Variants in TTC38 observed in about 807,000 individuals in gnomAD.
TTC38 encodes the protein tetratricopeptide repeat domain 38.
Under a neutral mutation model 64.2 loss-of-function variants are expected in TTC38, and 64 were observed. The observed-to-expected ratio is 1.00, with a 90% CI of 0.81 to 1.23. The LOEUF is 1.23. Ranked by LOEUF, TTC38 falls within the 50% of genes most tolerant of loss-of-function variation. The pLI, the probability that TTC38 is intolerant of heterozygous loss-of-function variation, is 0.00. For missense variants in TTC38, 573 were observed against 615.5 expected (o/e 0.93, Z 0.73); for synonymous variants, 254 against 249.3 (o/e 1.02, Z -0.18).
intron 6 of TTC38, among the ~76,000 whole-genome samples, chr22:46,278,927 G>A (rs1404157360): frequency 1.3e-5 from 2 of 152,224 alleles, no homozygotes; most frequent in Non-Finnish European, 2.9e-5. Flanking sequence ...GATGGGGTAC[G>A]GGGAGCCTGT....
At position 46,292,250 on chromosome 22, in the gene TTC38, C is replaced by G. The variant is rs1170007402; in HGVS notation, c.1317-541C>G. ...CCAGGTTGGAATGCAGTGGTGTGAT[C>G]ACAGTTCACTGTAAACTCAAACTCC... On this transcript the variant is annotated intron_variant, in intron 13 of 13. Coordinates refer to ENST00000381031, the MANE Select transcript of TTC38 (RefSeq NM_017931.4). The surrounding 1 kb of genome is among the most constrained non-coding windows in gnomAD (Gnocchi z 6.5). 6.7e-6 allele frequency: 3 copies of G among 445,234 alleles called. No individual in the cohort carries two copies. The highest frequency in any genetic ancestry group is 6.1e-5 in the African/African-American group (3 of 49,504). 27.6% of individuals were successfully genotyped at this position (445,234 alleles called of 1,614,324 possible). A position where few individuals can be genotyped will look rare whatever the true frequency, so the allele number is the denominator to read the frequency against.
chr22:46,287,003 C>T (rs992794948), intron 9 of TTC38, 70 bp from the exon 10 acceptor site: 26 of 1,296,808 alleles, frequency 2.0e-5, no homozygotes, highest in Middle Eastern at 2.0e-4. Context: ...GACAGGCTGA[C>T]CCTGGCTGTG....
chr22:46,268,764 A>G (rs1177528703), intron 2 of TTC38, 173 bp downstream of exon 2: 1 of 608,146 alleles, frequency 1.6e-6, no homozygotes, highest in Non-Finnish European at 2.8e-6. Context: ...GGCTCACTGC[A>G]AGCTTTGCCT....
Position 46,275,343 on chromosome 22 carries a change from A to T in TTC38, c.461A>T (p.Tyr154Phe). Residue 154 changes from tyrosine to phenylalanine, a missense_variant, in exon 5 of 14, where the codon TAC (tyrosine) becomes TTC (phenylalanine). By Grantham distance (22) the Tyr-to-Phe change is conservative. Coordinates refer to ENST00000381031, the MANE Select transcript of TTC38 (RefSeq NM_017931.4). The surrounding 1 kb of genome is among the most constrained non-coding windows in gnomAD (Gnocchi z 4.5). ...AAATTTTCCCATGATGCTTATTTTT[A>T]CCTGGGCTATCAGGAACAGATGAGA... ...ALKFSHDAYF[Y>F]LGYQEQMRDS... 6.2e-7 allele frequency: 1 copy of T among 1,614,118 alleles called. No homozygotes were observed. Among genetic ancestry groups the T allele is most frequent in the Non-Finnish European group, 8.5e-7 (1 of 1,179,996 alleles).
Position 46,291,445 on chromosome 22 carries a change from C to T in TTC38, c.1317-1346C>T, listed in dbSNP as rs2077614754. On this transcript the variant is annotated intron_variant, in intron 13 of 13. Coordinates refer to ENST00000381031, the MANE Select transcript of TTC38 (RefSeq NM_017931.4). The surrounding 1 kb of genome is among the most constrained non-coding windows in gnomAD (Gnocchi z 4.6). The stretch of plus-strand genomic sequence containing the variant: ...ACTGCATTAGGAGACGTGGAGGGGG[C>T]CTTCTCTCCAAGTCCTGTCCTGCTA... Among the ~76,000 whole-genome samples the T allele has an allele frequency of 1.3e-5, 2 of 152,074 alleles. No homozygotes were observed. The highest frequency in any genetic ancestry group is 4.8e-5 in the African/African-American group (2 of 41,408).
chr22:46,287,303 G>A (rs1039822999), intron 10 of TTC38, 149 bp downstream of exon 10: 24 of 630,216 alleles, frequency 3.8e-5, no homozygotes, highest in Non-Finnish European at 5.6e-5. Context: ...CTTGGGTACC[G>A]TTCTGCAGCT....
chr22:46,268,981 C>T (rs1044714222), intron 2 of TTC38: 2 of 345,096 alleles, frequency 5.8e-6, no homozygotes, highest in Admixed American at 8.8e-5. Flanking sequence ...GCCACCGCGC[C>T]CGGCCATGGG....
rs2077486615 is a variant in TTC38 at position 46,276,292 on chromosome 22, C to A, written c.539+871C>A. Among the ~76,000 whole-genome samples the A allele has an allele frequency of 6.6e-6, 1 of 152,068 alleles. No individual in the cohort carries two copies. Among genetic ancestry groups the A allele is most frequent in the Non-Finnish European group, 1.5e-5 (1 of 68,024 alleles). The stretch of plus-strand genomic sequence containing the variant: ...TGGAGGCAGTCTGCAGGCAGAATTT[C>A]TTCTTCTAGGGGCCTCCGTCTTTCT... On this transcript the variant is annotated intron_variant, in intron 5 of 13. Coordinates refer to ENST00000381031, the MANE Select transcript of TTC38 (RefSeq NM_017931.4). The surrounding 1 kb of genome is among the most constrained non-coding windows in gnomAD (Gnocchi z 4.7).
rs769737659 is a variant in TTC38 at position 46,268,526 on chromosome 22, G to T, written c.46G>T (p.Ala16Ser). The T allele has an allele frequency of 6.2e-7, 1 of 1,614,102 alleles. No homozygotes were observed. The highest frequency in any genetic ancestry group is 8.5e-7 in the Non-Finnish European group (1 of 1,180,034). The change falls in exon 2 of 14, where the codon GCG becomes TCG. Residue 16 changes from alanine to serine, a missense_variant. By Grantham distance (99) the Ala-to-Ser change is moderately conservative (BLOSUM62 1). Transcript: ENST00000381031. ...PLRDCQAWKD[A>S]RLPLSTTSNE... ...TTGCCGTCTGTAGGCCTGGAAGGAT[G>T]CGAGGCTCCCGCTCTCCACCACAAG... is the stretch of plus-strand genomic sequence containing the variant.
rs1715056446 is a variant in TTC38 at position 46,281,509 on chromosome 22, C to T, written c.616-90C>T. The T allele has an allele frequency of 7.2e-6, 11 of 1,521,742 alleles. No homozygotes were observed. The highest frequency in any genetic ancestry group is 9.9e-6 in the Non-Finnish European group (11 of 1,112,374). 94.3% of individuals were successfully genotyped at this position (1,521,742 alleles called of 1,614,324 possible). The stretch of plus-strand genomic sequence containing the variant: ...TGCTCCACCCCGTTCAGCCCAGGCC[C>T]CTCTTGCCCCTTAGAGACCTGCCGT... On this transcript the variant is annotated intron_variant, in intron 6 of 13. Transcript: ENST00000381031. The surrounding 1 kb of genome is among the most constrained non-coding windows in gnomAD (Gnocchi z 5.2).
intron 5 of TTC38, among the ~76,000 whole-genome samples, chr22:46,277,598 C>G (rs1304591831): frequency 9.4e-6 from 1 of 105,854 alleles, no homozygotes; most frequent in Non-Finnish European, 1.8e-5. Context: ...GAGCGAGACT[C>G]TGTCTCCAAA....
rs951932869 is a variant in TTC38, at chr22:46,271,446, C to T, written c.112-889C>T. Among the ~76,000 whole-genome samples, 8 of 152,150 alleles carry T rather than the reference C, an allele frequency of 5.3e-5. No individual in the cohort carries two copies. The highest frequency in any genetic ancestry group is 1.7e-4 in the African/African-American group (7 of 41,518). On this transcript the variant is annotated intron_variant, in intron 2 of 13. Coordinates refer to ENST00000381031, the MANE Select transcript of TTC38 (RefSeq NM_017931.4). This position sits in a 1 kb window ranked among gnomAD's most constrained non-coding sequence, Gnocchi z 5.5. ...GCCAGGATGGTCTCGATCTCCTGAC[C>T]TCATGATCCGCCCACCTCGGCCTCC...
At chr22:46,280,829 G>T (rs1300824868) in intron 6 of TTC38, among the ~76,000 whole-genome samples, 1 of 152,230 alleles carries the variant, frequency 6.6e-6, no homozygotes, top group Non-Finnish European at 1.5e-5. Flanking sequence ...GATTTGGCAT[G>T]GGGGACCTGG....
At position 46,275,185 on chromosome 22, in the gene TTC38, T is replaced by TA; in HGVS notation, c.366-62dup. The TA allele has an allele frequency of 6.7e-7, 1 of 1,494,380 alleles. No individual in the cohort carries two copies. Among genetic ancestry groups the TA allele is most frequent in the Admixed American group, 1.8e-5 (1 of 54,424 alleles). The allele number at this position is 1,494,380 out of a possible 1,614,324, so 92.6% of individuals were successfully genotyped here. A position where few individuals can be genotyped will look rare whatever the true frequency, so the allele number is the denominator to read the frequency against. On this transcript the variant is annotated intron_variant, in intron 4 of 13. Coordinates refer to ENST00000381031, the MANE Select transcript of TTC38 (RefSeq NM_017931.4). The surrounding 1 kb of genome is among the most constrained non-coding windows in gnomAD (Gnocchi z 4.5). Reference sequence around the variant, plus strand: ...GACACTGGTGAGAAACAATGCCTCTTACACTCCCTGTGTGGGTGGACTATG... The same window carrying TA: ...GACACTGGTGAGAAACAATGCCTCTTAACACTCCCTGTGTGGGTGGACTATG...
chr22:46,277,068 CACACACACACACACACAT>C (rs1569018181), intron 5 of TTC38, among the ~76,000 whole-genome samples: 4 of 151,254 alleles, frequency 2.6e-5, no homozygotes, highest in African/African-American at 9.7e-5. Flanking sequence ...CACACACACA[CACACACACACACACACAT>C]ACATTTTAAA....
intron 2 of TTC38, chr22:46,268,936 C>G (rs1405322259): frequency 5.8e-6 from 2 of 341,926 alleles, no homozygotes; most frequent in African/African-American, 4.3e-5. Context: ...ATCCGCCCGC[C>G]TCGGCCTCCC....
chr22:46,290,503 T>C (rs971859447), intron 13 of TTC38, among the ~76,000 whole-genome samples: 1 of 91,374 alleles, frequency 1.1e-5, no homozygotes, highest in East Asian at 2.7e-4. Context: ...AGTGTTAGGG[T>C]GGCATGGCTG....
chr22:46,286,919 G>A (rs1456076052), intron 9 of TTC38, among the ~76,000 whole-genome samples, 154 bp from the exon 10 acceptor site: 1 of 152,218 alleles, frequency 6.6e-6, no homozygotes, highest in East Asian at 1.9e-4. Context: ...CCCAGGCAAG[G>A]GTGATGGGCC....
chr22:46,283,851 CAAAAAAAA>C (rs58477670), intron 7 of TTC38, 114 bp from the exon 8 acceptor site: 11 of 208,984 alleles, frequency 5.3e-5, no homozygotes, highest in East Asian at 1.6e-4. Flanking sequence ...GACTTAGTCT[CAAAAAAAA>C]AAAAAAAAAA....
Sources: gnomAD v4.1 joint callset for allele counts (sites outside exome capture counted in the v4.1 genomes callset) on GRCh38, gnomAD v4.1.1 for gene constraint, Gnocchi (gnomAD v3.1) non-coding constraint, MANE v1.5 for transcripts, NCBI Gene and HGNC (gene_info 2026-07-23, HGNC 2026-07-21) for gene names.